GRIP1: variants seen among roughly 807,000 people sequenced by gnomAD.
GRIP1 encodes glutamate receptor-interacting protein 1.
In GRIP1, 45 loss-of-function variants were observed where a neutral mutation model predicts 129.9. The ratio of observed to expected loss-of-function variants is 0.35; its 90% confidence interval spans 0.27 to 0.44. GRIP1 has a LOEUF of 0.44. GRIP1 is among the 20% of genes least tolerant of loss of function. GRIP1 has a pLI of 1.00. For synonymous variants in GRIP1, 530 were observed against 520.8 expected, an observed-to-expected ratio of 1.02 and a Z score of -0.24; for missense variants, 1,196 against 1,396.8, an observed-to-expected ratio of 0.86 and a Z score of 2.29.
At chr12:66,680,520 G>A (rs1389686501), upstream of GRIP1, among the ~76,000 whole-genome samples, 1 of 152,052 alleles carries the variant, frequency 6.6e-6, no homozygotes, top group African/African-American at 2.4e-5. Flanking sequence ...GGACTGCAGT[G>A]CAAAATCAAA....
At chr12:66,352,294 C>G (rs1592668977) in intron 24 of GRIP1, among the ~76,000 whole-genome samples, 1 of 152,074 alleles carries the variant, frequency 6.6e-6, no homozygotes, top group Non-Finnish European at 1.5e-5. Flanking sequence ...AGCATGTGAG[C>G]AGGGACCTGA....
At chr12:66,795,868 G>A (rs1420466904) in intron 1 of GRIP1, among the ~76,000 whole-genome samples, 3 of 152,086 alleles carry the variant, frequency 2.0e-5, no homozygotes, top group African/African-American at 7.2e-5. Flanking sequence ...TGAAAGACTA[G>A]GGAGAAGCAT....
chr12:66,922,385 A>C (rs1407902728), intron 1 of GRIP1, among the ~76,000 whole-genome samples: 1 of 152,192 alleles, frequency 6.6e-6, no homozygotes, highest in Non-Finnish European at 1.5e-5. Flanking sequence ...AAGAGAAATC[A>C]GTGGCAGCTA....
At chr12:66,923,195 T>A (rs1441752545) in intron 1 of GRIP1, among the ~76,000 whole-genome samples, 1 of 152,114 alleles carries the variant, frequency 6.6e-6, no homozygotes, top group Non-Finnish European at 1.5e-5. Context: ...AAAAAACTTG[T>A]CTTAGGCTGA....
rs1041299668 is a variant in GRIP1, at chr12:66,521,681, C to T, written c.503-3705G>A. ...AGGACAGTGGGTGCAGCGCACCGGG[C>T]GCGAGCCAAAGCAGGGTGAGGCAAT... On this transcript the variant is annotated intron_variant, in intron 5 of 24. Coordinates refer to ENST00000359742, the MANE Select transcript of GRIP1 (RefSeq NM_001366722.1). Among the ~76,000 whole-genome samples, 64 of 152,088 alleles carry T rather than the reference C, an allele frequency of 4.2e-4. No individual in the cohort carries two copies. In the Middle Eastern group the frequency reaches 0.02, roughly 48 times the overall value.
At chr12:66,613,331 C>T (rs1481692932) in intron 1 of GRIP1, among the ~76,000 whole-genome samples, 1 of 152,166 alleles carries the variant, frequency 6.6e-6, no homozygotes, top group African/African-American at 2.4e-5. Flanking sequence ...TTACCACTAA[C>T]TGCACAAATC....
chr12:66,617,573 C>T (rs2065097267), intron 1 of GRIP1, among the ~76,000 whole-genome samples: 1 of 152,008 alleles, frequency 6.6e-6, no homozygotes, highest in South Asian at 2.1e-4. Context: ...CACTTTACTA[C>T]CCACAGTGGA....
chr12:66,352,126 G>A (rs533472252), intron 24 of GRIP1, among the ~76,000 whole-genome samples: 29 of 152,316 alleles, frequency 1.9e-4, no homozygotes, highest in African/African-American at 6.5e-4. Flanking sequence ...AGAATAGAGT[G>A]GAGAATAAAA....
intron 1 of GRIP1, among the ~76,000 whole-genome samples, chr12:66,698,249 G>T (rs2035232116): frequency 6.6e-6 from 1 of 152,170 alleles, no homozygotes; most frequent in South Asian, 2.1e-4. Context: ...TGTCAAAAAT[G>T]TAACCAGGAG....
Position 66,450,401 on chromosome 12 carries a change from C to T in GRIP1, c.1355-4893G>A, listed in dbSNP as rs563662732. Among the ~76,000 whole-genome samples, 18 of 147,978 alleles carry T rather than the reference C, an allele frequency of 1.2e-4. No individual in the cohort carries two copies. The East Asian group carries it at 3.5e-3, about 29-fold the overall frequency. The stretch of plus-strand genomic sequence containing the variant: ...GAGATTATACTAGATATAGTGAAGC[C>T]TTCTCAAAGGAAAGACTTGCTATGT... On this transcript the variant is annotated intron_variant, in intron 11 of 24. Coordinates refer to ENST00000359742, the MANE Select transcript of GRIP1 (RefSeq NM_001366722.1).
intron 1 of GRIP1, among the ~76,000 whole-genome samples, chr12:67,068,521 A>G (rs1034111129): frequency 6.6e-6 from 1 of 151,582 alleles, no homozygotes; most frequent in Non-Finnish European, 1.5e-5. Flanking sequence ...TGCCTCCCCT[A>G]CGCTCTTCCT....
At chr12:67,014,301 CA>C (rs34218526) in intron 1 of GRIP1, among the ~76,000 whole-genome samples, 1 of 152,110 alleles carries the variant, frequency 6.6e-6, no homozygotes, top group African/African-American at 2.4e-5. Flanking sequence ...CTTTCACTTC[CA>C]AAAGTATTCT....
intron 1 of GRIP1, among the ~76,000 whole-genome samples, chr12:66,684,618 G>A (rs2034709722): frequency 6.6e-6 from 1 of 152,148 alleles, no homozygotes; most frequent in Non-Finnish European, 1.5e-5. Context: ...GCCGAGGTGG[G>A]CAGATCACTT....
At chr12:66,717,497 GA>G (rs1173853682) in intron 1 of GRIP1, among the ~76,000 whole-genome samples, 6 of 152,084 alleles carry the variant, frequency 3.9e-5, no homozygotes, top group African/African-American at 1.4e-4. Flanking sequence ...CAGATGCAAT[GA>G]CAAGCATCGT....
At chr12:66,879,920 A>C (rs2040446528) in intron 1 of GRIP1, among the ~76,000 whole-genome samples, 1 of 152,060 alleles carries the variant, frequency 6.6e-6, no homozygotes, top group South Asian at 2.1e-4. Context: ...TCCAGATGCC[A>C]GAGTCAACTG....
chr12:66,788,944 A>G (rs2038444330), intron 1 of GRIP1, among the ~76,000 whole-genome samples: 1 of 152,198 alleles, frequency 6.6e-6, no homozygotes, highest in Non-Finnish European at 1.5e-5. Flanking sequence ...GTAATTTGTC[A>G]TGCAGCAAAA....
intron 1 of GRIP1, among the ~76,000 whole-genome samples, chr12:66,973,378 CTT>C (rs55729292): frequency 0.15 from 19,145 of 129,036 alleles, 879 homozygotes; most frequent in Admixed American, 0.18. Flanking sequence ...CTTTTTCATT[CTT>C]TTTTTTTTTT....
chr12:67,046,548 TCAAAA>T (rs1175357722), intron 1 of GRIP1, among the ~76,000 whole-genome samples: 1 of 152,212 alleles, frequency 6.6e-6, no homozygotes, highest in East Asian at 1.9e-4. Context: ...TCTGATATAA[TCAAAA>T]CAAAACTTTC....
intron 1 of GRIP1, among the ~76,000 whole-genome samples, chr12:66,923,783 T>C (rs2137371801): frequency 6.6e-6 from 1 of 152,146 alleles, no homozygotes; most frequent in Middle Eastern, 3.4e-3. Context: ...AAAATGGGAG[T>C]AATTGTTGTA....
Sources: gnomAD v4.1 joint callset for allele counts (sites outside exome capture counted in the v4.1 genomes callset) on GRCh38, gnomAD v4.1.1 for gene constraint, MANE v1.5 for transcripts, NCBI Gene and HGNC (gene_info 2026-07-23, HGNC 2026-07-21) for gene names.